LEPR: variants seen among roughly 807,000 people sequenced by gnomAD.
LEPR encodes OB receptor.
In LEPR, 56 loss-of-function variants were observed where a neutral mutation model predicts 114.7. The ratio of observed to expected loss-of-function variants is 0.49; its 90% CI spans 0.39 to 0.61. LEPR has a LOEUF of 0.61. Ranked by LOEUF, LEPR falls within the 20% of genes least tolerant of loss-of-function variation. The pLI is 0.00. For missense variants in LEPR, 1,202 were observed against 1,352.9 expected, an observed-to-expected ratio of 0.89 and a Z score of 1.75; for synonymous variants, 443 against 461.4, an observed-to-expected ratio of 0.96 and a Z score of 0.51.
intron 2 of LEPR, among the ~76,000 whole-genome samples, chr1:65,472,102 A>G (rs564406774): frequency 5.4e-4 from 83 of 152,310 alleles, no homozygotes; most frequent in African/African-American, 1.9e-3. Context: ...GTGAATAAAT[A>G]CTATGAAATT....
intron 4 of LEPR, 40 bp from the exon 5 acceptor site, chr1:65,572,286 A>AGGT: frequency 9.5e-7 from 1 of 1,047,666 alleles, no homozygotes; most frequent in East Asian, 3.8e-5. Flanking sequence ...GATTTCATGT[A>AGGT]GTTGTTTTTT....
At chr1:65,462,157 C>T (rs1400923882) in intron 2 of LEPR, among the ~76,000 whole-genome samples, 1 of 152,142 alleles carries the variant, frequency 6.6e-6, no homozygotes, top group African/African-American at 2.4e-5. Flanking sequence ...TCCCATCCCC[C>T]CACCCGCCAA....
At chr1:65,614,562 A>G (rs1657407327) in intron 14 of LEPR, among the ~76,000 whole-genome samples, 1 of 152,184 alleles carries the variant, frequency 6.6e-6, no homozygotes, top group African/African-American at 2.4e-5. Flanking sequence ...TGGGCTAACA[A>G]TTATGGTACT....
chr1:65,509,234 G>A (rs1460664906), intron 2 of LEPR, among the ~76,000 whole-genome samples: 1 of 152,072 alleles, frequency 6.6e-6, no homozygotes, highest in East Asian at 1.9e-4. Flanking sequence ...TGTTGCATAG[G>A]AGCGGTGAGA....
At chr1:65,570,950 C>T in intron 4 of LEPR, 148 bp downstream of exon 4, 1 of 671,950 alleles carries the variant, frequency 1.5e-6, no homozygotes, top group Non-Finnish European at 2.2e-6. Context: ...TGTGAACAAA[C>T]TAATAAATAA....
chr1:65,469,848 G>A (rs1349213676), intron 2 of LEPR, among the ~76,000 whole-genome samples: 3 of 152,150 alleles, frequency 2.0e-5, no homozygotes, highest in Non-Finnish European at 4.4e-5. Flanking sequence ...CTTTCTCAGT[G>A]CCTCTTGACC....
chr1:65,568,617 T>TA (rs1237158648), intron 3 of LEPR, among the ~76,000 whole-genome samples: 1 of 152,148 alleles, frequency 6.6e-6, no homozygotes, highest in African/African-American at 2.4e-5. Flanking sequence ...CTATTGTGAA[T>TA]AGTGCTGTGA....
At chr1:65,476,648 A>C (rs967432935) in intron 2 of LEPR, among the ~76,000 whole-genome samples, 2 of 152,166 alleles carry the variant, frequency 1.3e-5, no homozygotes, top group African/African-American at 4.8e-5. Flanking sequence ...AACAATAATA[A>C]CACTGATGGC....
In LEPR at chr1:65,528,827, C is replaced by T. The variant is rs377203600; in HGVS notation, c.-20-36719C>T. On this transcript the variant is annotated intron_variant, in intron 2 of 19. Coordinates refer to ENST00000349533, the MANE Select transcript of LEPR (RefSeq NM_002303.6). ...AGTTATTTACTTATTTATTTTGAGACGGTGTCTTGCTCTGTCGCCCAGGTT... is the reference window on the plus strand; with the variant it reads ...AGTTATTTACTTATTTATTTTGAGATGGTGTCTTGCTCTGTCGCCCAGGTT... Among the ~76,000 whole-genome samples the T allele has an allele frequency of 3.3e-4, 50 of 152,188 alleles. No homozygotes were observed. The East Asian group carries it at 5.6e-3, about 17-fold the overall frequency.
intron 2 of LEPR, among the ~76,000 whole-genome samples, chr1:65,455,601 A>G (rs894741137): frequency 6.6e-6 from 1 of 152,200 alleles, no homozygotes; most frequent in Non-Finnish European, 1.5e-5. Flanking sequence ...CTCGGGGGTC[A>G]GGGGTCAGGG....
chr1:65,571,836 G>T (rs1308284824), intron 4 of LEPR, among the ~76,000 whole-genome samples: 1 of 148,370 alleles, frequency 6.7e-6, no homozygotes, highest in Non-Finnish European at 1.5e-5. Context: ...TGGGCATGGT[G>T]GTGCATGCCT....
intron 2 of LEPR, among the ~76,000 whole-genome samples, chr1:65,550,896 C>T (rs999024286): frequency 2.0e-5 from 3 of 152,028 alleles, no homozygotes; most frequent in African/African-American, 7.2e-5. Flanking sequence ...GCAGAAATCA[C>T]CCGTCTTCTG....
chr1:65,545,748 T>G (rs1388514301), intron 2 of LEPR, among the ~76,000 whole-genome samples: 1 of 152,150 alleles, frequency 6.6e-6, no homozygotes, highest in African/African-American at 2.4e-5. Flanking sequence ...TTTCTCCCAT[T>G]TTGTAGGTTG....
Position 65,616,096 on chromosome 1 carries a change from T to G in LEPR, c.2084T>G (p.Val695Gly). The G allele has an allele frequency of 1.2e-6, 2 of 1,614,170 alleles. No homozygotes were observed. Among genetic ancestry groups the G allele is most frequent in the Non-Finnish European group, 1.7e-6 (2 of 1,180,012 alleles). The change falls in exon 15 of 20, where the codon GTG becomes GGG. Residue 695 changes from valine to glycine, a missense_variant. Val to Gly is a moderately radical substitution (Grantham distance 109). Transcript: ENST00000349533. ...TSCNGTWSEDVGNHTKFTFLW... is the reference protein window; with the variant it reads ...TSCNGTWSEDGGNHTKFTFLW... The stretch of plus-strand genomic sequence containing the variant: ...TGCAATGGAACATGGTCAGAAGATG[T>G]GGGAAATCACACGAAATTCACTTTC...
At chr1:65,625,177 T>C (rs1658125049) in intron 19 of LEPR, among the ~76,000 whole-genome samples, 2 of 152,216 alleles carry the variant, frequency 1.3e-5, no homozygotes, top group African/African-American at 4.8e-5. Context: ...TGAGTATTTA[T>C]ATGTAAGGCT....
chr1:65,471,132 A>G (rs1426031351), intron 2 of LEPR, among the ~76,000 whole-genome samples: 1 of 152,194 alleles, frequency 6.6e-6, no homozygotes, highest in Admixed American at 6.5e-5. Flanking sequence ...TGCTGATATA[A>G]AAGTTTTTAT....
chr1:65,613,565 A>G (rs1261310307), intron 14 of LEPR, among the ~76,000 whole-genome samples: 1 of 134,968 alleles, frequency 7.4e-6, no homozygotes, highest in Non-Finnish European at 1.6e-5. Flanking sequence ...CATCCTGGCT[A>G]ACAAGGTGAA....
intron 2 of LEPR, among the ~76,000 whole-genome samples, chr1:65,427,116 A>T (rs1646392373): frequency 6.6e-6 from 1 of 152,224 alleles, no homozygotes; most frequent in Non-Finnish European, 1.5e-5. Flanking sequence ...AATTGTTTAA[A>T]CCCAAGAGGG....
At chr1:65,482,886 G>A (rs776208563) in intron 2 of LEPR, among the ~76,000 whole-genome samples, 22 of 151,986 alleles carry the variant, frequency 1.4e-4, no homozygotes, top group Middle Eastern at 3.4e-3. Context: ...TACTTGGGAG[G>A]CTGAGGCAGG....
Sources: allele counts gnomAD v4.1 joint callset (sites outside exome capture counted in the v4.1 genomes callset), GRCh38; gene constraint gnomAD v4.1.1; transcripts MANE v1.5; gene names NCBI Gene and HGNC (gene_info 2026-07-23, HGNC 2026-07-21).